Variants in EHMT1 observed in about 807,000 individuals in gnomAD.
EHMT1 encodes histone-lysine N-methyltransferase EHMT1.
Under a neutral mutation model 147.2 loss-of-function variants are expected in EHMT1, and 15 were observed. That is an observed-to-expected ratio of 0.10 (90% confidence interval 0.07 to 0.16). EHMT1 has a LOEUF of 0.16. Ranked by LOEUF, EHMT1 falls within the 10% of genes least tolerant of loss-of-function variation. EHMT1 has a pLI of 1.00. For synonymous variants in EHMT1, 795 were observed against 709.6 expected (o/e 1.12, Z -1.91); for missense variants, 1,587 against 1,772.4 (o/e 0.90, Z 1.88).
chr9:137,811,562 C>T lies in EHMT1; in HGVS notation c.2814C>T (p.His938=), dbSNP rs151024617. Residue 938 remains histidine, a synonymous_variant, in exon 19 of 27, where the codon CAC becomes CAT. Transcript: ENST00000460843. Reference sequence around the variant, plus strand: ...GCGACCTCCACGCCGTGAACATCCACGGAGACTCGCCACTGCACATTGCCG... The same window carrying T: ...GCGACCTCCACGCCGTGAACATCCATGGAGACTCGCCACTGCACATTGCCG... The part of the protein sequence containing the change: ...AKCDLHAVNI[H]GDSPLHIAAR... 1.4e-5 allele frequency: 22 copies of T among 1,607,648 alleles called. No individual in the cohort carries two copies. The highest frequency in any genetic ancestry group is 6.7e-5 in the African/African-American group (5 of 74,946).
rs1947152138 is a variant in EHMT1, at chr9:137,731,993, T to C, written c.823+3464T>C. Reference sequence around the variant, plus strand: ...CCCAAAACTCGGAGTCACCAGCAACTGCAGAGCCCCAAGGGGATAGGGTGG... The same window carrying C: ...CCCAAAACTCGGAGTCACCAGCAACCGCAGAGCCCCAAGGGGATAGGGTGG... On this transcript the variant is annotated intron_variant, in intron 4 of 26. Coordinates refer to ENST00000460843, the MANE Select transcript of EHMT1 (RefSeq NM_024757.5). The surrounding 1 kb of genome is among the most constrained non-coding windows in gnomAD (Gnocchi z 4.3). 6.6e-6 allele frequency among the ~76,000 whole-genome samples: 1 copy of C among 152,166 alleles called. No individual in the cohort carries two copies. The highest frequency in any genetic ancestry group is 6.5e-5 in the Admixed American group (1 of 15,282).
intron 4 of EHMT1, among the ~76,000 whole-genome samples, chr9:137,741,750 G>A (rs936073612): frequency 6.6e-6 from 1 of 152,148 alleles, no homozygotes; most frequent in Non-Finnish European, 1.5e-5. Context: ...GTGTTCAGGG[G>A]TTTTGCATCT....
At chr9:137,683,987 T>C (rs1942205002) in intron 1 of EHMT1, among the ~76,000 whole-genome samples, 1 of 152,108 alleles carries the variant, frequency 6.6e-6, no homozygotes, top group Admixed American at 6.5e-5. Context: ...TATTGCTTTG[T>C]ATATATTTCA....
intron 14 of EHMT1, 72 bp downstream of exon 14, chr9:137,779,789 T>C: frequency 6.5e-6 from 10 of 1,530,978 alleles, no homozygotes; most frequent in Non-Finnish European, 9.0e-6. Context: ...GAGCAGTTGT[T>C]ACTCCTTCCT....
intron 1 of EHMT1, among the ~76,000 whole-genome samples, chr9:137,657,731 A>T (rs1474804035): frequency 6.6e-6 from 1 of 151,954 alleles, no homozygotes; most frequent in African/African-American, 2.4e-5. Flanking sequence ...GACTCTGGTC[A>T]CTTTGCTGTG....
In EHMT1 at chr9:137,834,331, C is replaced by T. The variant is rs1011537563; in HGVS notation, c.3541-18C>T. 1.1e-5 allele frequency: 17 copies of T among 1,601,920 alleles called. No homozygotes were observed. The highest frequency in any genetic ancestry group is 1.4e-5 in the Non-Finnish European group (16 of 1,178,742). On this transcript the variant is annotated intron_variant, in intron 25 of 26. Coordinates refer to ENST00000460843, the MANE Select transcript of EHMT1 (RefSeq NM_024757.5). ...GGGCCTTGCTAACTGCAGCCCGTGC[C>T]GGCTTCTCGCCCTGCAGGACGGGGA...
In EHMT1 at chr9:137,809,478, G is replaced by T. The variant is rs187213720; in HGVS notation, c.2713-1983G>T. 1.6e-4 allele frequency among the ~76,000 whole-genome samples: 25 copies of T among 152,320 alleles called. 1 individual carries two copies. The East Asian group carries it at 4.8e-3, about 29-fold the overall frequency. ...AAGCAGAGCCTGCGGGGTGGAGACC[G>T]CACCCCTGCAGGGGTCTGCCTTGGG... On this transcript the variant is annotated intron_variant, in intron 18 of 26. Coordinates refer to ENST00000460843, the MANE Select transcript of EHMT1 (RefSeq NM_024757.5).
Position 137,778,051 on chromosome 9 carries a change from G to A in EHMT1, c.2188G>A (p.Glu730Lys). 6.2e-7 allele frequency: 1 copy of A among 1,613,822 alleles called. No homozygotes were observed. Among genetic ancestry groups the A allele is most frequent in the Non-Finnish European group, 8.5e-7 (1 of 1,180,018 alleles). ...GAGCGCTCTCATCGCCCTCGACTCGGAAAAGTAAGACCTGACATGTGATTT... is the reference window on the plus strand; with the variant it reads ...GAGCGCTCTCATCGCCCTCGACTCGAAAAAGTAAGACCTGACATGTGATTT... ...LESALIALDS[E>K]KPKKLRFHPK... The change falls in exon 13 of 27, where the codon GAA becomes AAA. Residue 730 changes from glutamate to lysine, a missense_variant. Around this residue, in one of 7 missense-constraint regions of EHMT1, gnomAD observed 201 missense variants for 350.1 expected, o/e 0.57. Coordinates refer to ENST00000460843, the MANE Select transcript of EHMT1 (RefSeq NM_024757.5).
rs1279643480 is a variant in EHMT1, at chr9:137,787,484, G to C, written c.2383-3364G>C. ...ACAGAGGCATGACTGACCAGGGCCAGGGCCGTGCCCAGCTCGGCCACGGCC... is the reference window on the plus strand; with the variant it reads ...ACAGAGGCATGACTGACCAGGGCCACGGCCGTGCCCAGCTCGGCCACGGCC... On this transcript the variant is annotated intron_variant, in intron 15 of 26. Coordinates refer to ENST00000460843, the MANE Select transcript of EHMT1 (RefSeq NM_024757.5). The surrounding 1 kb of genome is among the most constrained non-coding windows in gnomAD (Gnocchi z 4.2). 6.6e-6 allele frequency among the ~76,000 whole-genome samples: 1 copy of C among 152,228 alleles called. No homozygotes were observed. The highest frequency in any genetic ancestry group is 2.4e-5 in the African/African-American group (1 of 41,470).
intron 15 of EHMT1, chr9:137,788,445 T>G: frequency 1.1e-5 from 2 of 189,956 alleles, no homozygotes; most frequent in East Asian, 1.4e-4. Flanking sequence ...TGAAAGGAGG[T>G]TGCAGGCGTA....
At chr9:137,754,846 G>A (rs1949255515) in intron 8 of EHMT1, among the ~76,000 whole-genome samples, 1 of 152,192 alleles carries the variant, frequency 6.6e-6, no homozygotes, top group African/African-American at 2.4e-5. Flanking sequence ...TTGAACCGAG[G>A]TGAATCATTT....
At chr9:137,810,980 C>T (rs1013814779) in intron 18 of EHMT1, among the ~76,000 whole-genome samples, 2 of 152,130 alleles carry the variant, frequency 1.3e-5, no homozygotes, top group African/African-American at 2.4e-5. Context: ...GGATTACAGG[C>T]GTGAGCCACC....
chr9:137,729,356 A>G (rs1261641999), intron 4 of EHMT1, among the ~76,000 whole-genome samples: 1 of 152,210 alleles, frequency 6.6e-6, no homozygotes, highest in Non-Finnish European at 1.5e-5. Flanking sequence ...TGGGAGGCCA[A>G]GGCGGGTGGA....
At chr9:137,675,739 G>A (rs1259451318) in intron 1 of EHMT1, among the ~76,000 whole-genome samples, 2 of 144,904 alleles carry the variant, frequency 1.4e-5, no homozygotes, top group East Asian at 4.1e-4. Context: ...AGCCTCCTAA[G>A]TAGCTAGGAT....
chr9:137,832,279 C>T (rs1394093566), intron 25 of EHMT1, among the ~76,000 whole-genome samples: 4 of 149,032 alleles, frequency 2.7e-5, no homozygotes, highest in African/African-American at 7.6e-5. Context: ...CCGCTTCCCA[C>T]GTGGCCTCTG....
intron 1 of EHMT1, among the ~76,000 whole-genome samples, chr9:137,702,808 G>A (rs1943948674): frequency 6.6e-6 from 1 of 152,244 alleles, no homozygotes; most frequent in South Asian, 2.1e-4. Context: ...CCTGCAGGAA[G>A]CTTCTGTCTG....
At chr9:137,770,236 C>T (rs1950506613) in intron 10 of EHMT1, among the ~76,000 whole-genome samples, 1 of 152,168 alleles carries the variant, frequency 6.6e-6, no homozygotes, top group Non-Finnish European at 1.5e-5. Context: ...TCAATGCCCT[C>T]CTCTTTTTTT....
rs71493685 is a variant in EHMT1, at chr9:137,643,337, G to GTT, written c.21+24309_21+24310dup. Reference sequence around the variant, plus strand: ...TATGAAGGTAGTTTTGTGTATAAAGGTTTTTTTTTTTTTTTTTTTTTTAGA... The same window carrying GTT: ...TATGAAGGTAGTTTTGTGTATAAAGGTTTTTTTTTTTTTTTTTTTTTTTTAGA... On this transcript the variant is annotated intron_variant, in intron 1 of 26. Transcript: ENST00000460843. 1.8e-3 allele frequency among the ~76,000 whole-genome samples: 197 copies of GTT among 111,788 alleles called. 2 individuals are homozygous for GTT. Among genetic ancestry groups the GTT allele is most frequent in the South Asian group, 9.6e-3 (32 of 3,348 alleles). 73.3% of individuals were successfully genotyped at this position (111,788 alleles called of 152,430 possible). A position where few individuals can be genotyped will look rare whatever the true frequency, so the allele number is the denominator to read the frequency against.
intron 1 of EHMT1, among the ~76,000 whole-genome samples, chr9:137,620,748 T>C (rs1842903147): frequency 6.6e-6 from 1 of 152,200 alleles, no homozygotes; most frequent in African/African-American, 2.4e-5. Context: ...CAGTCGGTTG[T>C]AGGACCAGCA....
Sources: gnomAD v4.1 joint callset for allele counts (sites outside exome capture counted in the v4.1 genomes callset) on GRCh38, gnomAD v4.1.1 for gene constraint, gnomAD v4.1.1 regional missense constraint, Gnocchi (gnomAD v3.1) non-coding constraint, MANE v1.5 for transcripts, NCBI Gene and HGNC (gene_info 2026-07-23, HGNC 2026-07-21) for gene names.